The following BICC1 variants were observed in gnomAD, a reference collection of about 807,000 sequenced individuals.
The protein encoded by BICC1 is BicC family RNA binding protein 1.
A neutral mutation model predicts 111.0 loss-of-function variants in BICC1; 43 were observed. The observed-to-expected ratio is 0.39, with a 90% confidence interval of 0.30 to 0.50. The LOEUF (loss-of-function observed/expected upper bound fraction) is 0.50. Among genes scored for constraint, BICC1 ranks in the 20% least tolerant of loss-of-function variants. The pLI is 0.88. For missense variants in BICC1, 1,091 were observed against 1,203.2 expected, an observed-to-expected ratio of 0.91 and a Z score of 1.38; for synonymous variants, 467 against 434.4, an observed-to-expected ratio of 1.07 and a Z score of -0.93.
chr10:58,738,082 C>A (rs1405206367), intron 3 of BICC1, among the ~76,000 whole-genome samples: 1 of 152,116 alleles, frequency 6.6e-6, no homozygotes, highest in African/African-American at 2.4e-5. Flanking sequence ...TGCAGAAGCT[C>A]TTTAGTTTAA....
chr10:58,744,833 C>T (rs921183968), intron 3 of BICC1, among the ~76,000 whole-genome samples: 1 of 152,084 alleles, frequency 6.6e-6, no homozygotes, highest in Non-Finnish European at 1.5e-5. Flanking sequence ...TAATAGAGAA[C>T]ATCTGGAGGT....
intron 1 of BICC1, among the ~76,000 whole-genome samples, chr10:58,603,187 A>T (rs1845098369): frequency 6.6e-6 from 1 of 152,192 alleles, no homozygotes; most frequent in Admixed American, 6.5e-5. Context: ...TACTTGCCTC[A>T]GAGTAATTAA....
intron 2 of BICC1, among the ~76,000 whole-genome samples, chr10:58,621,213 G>A (rs983736159): frequency 1.3e-5 from 2 of 152,202 alleles, no homozygotes; most frequent in African/African-American, 2.4e-5. Context: ...ATGTGACATA[G>A]GAAGGGGTTA....
chr10:58,686,647 C>G (rs1839737894), intron 2 of BICC1, among the ~76,000 whole-genome samples: 1 of 151,986 alleles, frequency 6.6e-6, no homozygotes. Flanking sequence ...CCTTTCTTAC[C>G]CTTGATCAAA....
intron 1 of BICC1, among the ~76,000 whole-genome samples, chr10:58,529,173 C>T (rs1658483): frequency 0.46 from 69,793 of 151,620 alleles, 17,120 homozygotes; most frequent in Admixed American, 0.62. Context: ...AGATTTTATG[C>T]GTCTTCAAGT....
intron 1 of BICC1, among the ~76,000 whole-genome samples, chr10:58,610,557 G>A (rs951124992): frequency 7.3e-5 from 11 of 151,112 alleles, no homozygotes; most frequent in East Asian, 3.9e-4. Flanking sequence ...TGTCTTGGAT[G>A]GTTCAATTAT....
At chr10:58,740,556 G>A (rs1052052415) in intron 3 of BICC1, among the ~76,000 whole-genome samples, 14 of 152,224 alleles carry the variant, frequency 9.2e-5, no homozygotes, top group Admixed American at 4.6e-4. Context: ...ATGTGTGTGT[G>A]TTTAGTCAAG....
At chr10:58,826,567 C>T (rs1422843331) in intron 20 of BICC1, among the ~76,000 whole-genome samples, 1 of 23,470 alleles carries the variant, frequency 4.3e-5, no homozygotes, top group East Asian at 1.6e-3. Flanking sequence ...CTGGCTAACA[C>T]GGTGAAACCT....
At chr10:58,692,060 G>A (rs550242372) in intron 2 of BICC1, among the ~76,000 whole-genome samples, 10 of 152,142 alleles carry the variant, frequency 6.6e-5, no homozygotes, top group Admixed American at 3.3e-4. Flanking sequence ...AGATTCTAAG[G>A]GTTTAAAAAT....
chr10:58,692,137 C>T (rs1249353152), intron 2 of BICC1, among the ~76,000 whole-genome samples: 6 of 152,010 alleles, frequency 3.9e-5, no homozygotes, highest in Non-Finnish European at 4.4e-5. Context: ...GAAATGAGCA[C>T]TATAATGTTG....
intron 3 of BICC1, among the ~76,000 whole-genome samples, chr10:58,767,367 G>A (rs1029481371): frequency 6.6e-6 from 1 of 152,146 alleles, no homozygotes; most frequent in Non-Finnish European, 1.5e-5. Flanking sequence ...AAGAGTGGAG[G>A]GAGTGCATTC....
chr10:58,700,036 G>T (rs1840184033), intron 2 of BICC1, among the ~76,000 whole-genome samples: 1 of 152,126 alleles, frequency 6.6e-6, no homozygotes, highest in South Asian at 2.1e-4. Context: ...GTAACTTAGG[G>T]GAAAATTCTG....
chr10:58,679,156 T>C (rs1445221545), intron 2 of BICC1, among the ~76,000 whole-genome samples: 1 of 151,600 alleles, frequency 6.6e-6, no homozygotes, highest in Non-Finnish European at 1.5e-5. Context: ...AAATTCAAAA[T>C]CTAGCAAAAG....
At chr10:58,683,421 GT>G (rs2132373146) in intron 2 of BICC1, among the ~76,000 whole-genome samples, 1 of 152,350 alleles carries the variant, frequency 6.6e-6, no homozygotes, top group Admixed American at 6.5e-5. Flanking sequence ...TGTGAAGAAA[GT>G]CATTGGTAGC....
chr10:58,585,390 T>C (rs1844401541), intron 1 of BICC1, among the ~76,000 whole-genome samples: 1 of 152,158 alleles, frequency 6.6e-6, no homozygotes, highest in African/African-American at 2.4e-5. Flanking sequence ...GATCCAATGA[T>C]GAATGGGCCT....
At chr10:58,540,508 A>T (rs1842935580) in intron 1 of BICC1, among the ~76,000 whole-genome samples, 1 of 152,066 alleles carries the variant, frequency 6.6e-6, no homozygotes, top group African/African-American at 2.4e-5. Flanking sequence ...AACAAATTAT[A>T]TAACCTTGAA....
At chr10:58,689,514 T>A (rs1057166052) in intron 2 of BICC1, among the ~76,000 whole-genome samples, 2 of 152,214 alleles carry the variant, frequency 1.3e-5, no homozygotes, top group African/African-American at 4.8e-5. Context: ...ATAACAAGGT[T>A]GCAACTTGCT....
intron 2 of BICC1, among the ~76,000 whole-genome samples, chr10:58,700,468 C>A (rs1428934252): frequency 6.6e-6 from 1 of 152,152 alleles, no homozygotes; most frequent in African/African-American, 2.4e-5. Context: ...ACAGTAAACA[C>A]ATTAGCAGAG....
chr10:58,825,028 T>A (rs986031732), intron 20 of BICC1, among the ~76,000 whole-genome samples: 1 of 152,216 alleles, frequency 6.6e-6, no homozygotes, highest in Non-Finnish European at 1.5e-5. Flanking sequence ...CAGAGTACTC[T>A]AATTTCTTTA....
Sources: gnomAD v4.1 joint callset for allele counts (sites outside exome capture counted in the v4.1 genomes callset) on GRCh38, gnomAD v4.1.1 for gene constraint, MANE v1.5 for transcripts, NCBI Gene and HGNC (gene_info 2026-07-23, HGNC 2026-07-21) for gene names.